The following IL19 variants were observed in gnomAD, a reference collection of about 807,000 sequenced individuals.
The protein encoded by IL19 is interleukin-19.
A neutral mutation model predicts 19.5 loss-of-function variants in IL19; 15 were observed. The observed-to-expected ratio is 0.77, with a 90% CI of 0.52 to 1.19. The LOEUF (loss-of-function observed/expected upper bound fraction) is 1.19, where lower values mean the gene tolerates loss of function less well. IL19 is among the 50% of genes most tolerant of loss of function. The pLI is 0.00. For synonymous variants in IL19, 78 were observed against 78.3 expected, an observed-to-expected ratio of 1.00 and a Z score of 0.02; for missense variants, 199 against 213.1, an observed-to-expected ratio of 0.93 and a Z score of 0.41.
At chr1:206,774,295 G>T (rs1396922536) in intron 1 of IL19, among the ~76,000 whole-genome samples, 1 of 152,222 alleles carries the variant, frequency 6.6e-6, no homozygotes, top group East Asian at 1.9e-4. Flanking sequence ...GAAAGAGCCT[G>T]CTAGAAACTA....
chr1:206,814,417 G>A (rs1244738467), intron 2 of IL19, among the ~76,000 whole-genome samples: 5 of 150,264 alleles, frequency 3.3e-5, no homozygotes, highest in South Asian at 2.1e-4. Flanking sequence ...TGGGCCTGGC[G>A]TGGTGGCTCA....
chr1:206,772,132 T>C, intron 1 of IL19: 1 of 781,696 alleles, frequency 1.3e-6, no homozygotes, highest in Admixed American at 2.0e-5. Flanking sequence ...TCTAGGATTC[T>C]CTTAAGAATT....
rs1558606317 is a variant in IL19, at chr1:206,781,919, AGT to A, written c.-149+10842_-149+10843del. ...GTTATATATACATATATATGTATAT[AGT>A]TATATATACATATATATGTATATAG... On this transcript the variant is annotated intron_variant, in intron 1 of 6. Coordinates refer to ENST00000659997, the MANE Select transcript of IL19 (RefSeq NM_153758.5). Among the ~76,000 whole-genome samples, 156 of 106,576 alleles carry A rather than the reference AGT, an allele frequency of 1.5e-3. 1 individual carries two copies. The highest frequency in any genetic ancestry group is 5.8e-3 in the African/African-American group (147 of 25,268). The allele number at this position is 106,576 out of a possible 152,430, so 69.9% of individuals were successfully genotyped here.
intron 2 of IL19, among the ~76,000 whole-genome samples, chr1:206,831,704 A>G (rs914992814): frequency 2.6e-5 from 4 of 152,186 alleles, no homozygotes; most frequent in Non-Finnish European, 5.9e-5. Flanking sequence ...CATGATGTGT[A>G]CCATTTTACA....
intron 1 of IL19, among the ~76,000 whole-genome samples, chr1:206,778,942 A>G (rs751812648): frequency 2.0e-5 from 3 of 152,180 alleles, no homozygotes; most frequent in Admixed American, 6.5e-5. Flanking sequence ...GGTTCAAGCT[A>G]CTATCTGTTG....
At chr1:206,811,383 G>A (rs747670476) in intron 2 of IL19, among the ~76,000 whole-genome samples, 2 of 148,284 alleles carry the variant, frequency 1.3e-5, no homozygotes, top group Non-Finnish European at 3.0e-5. Flanking sequence ...GGTGGAGCTT[G>A]TAGTGAGCCG....
chr1:206,840,379 A>G, intron 5 of IL19: 1 of 359,768 alleles, frequency 2.8e-6, no homozygotes, highest in Non-Finnish European at 5.4e-6. Flanking sequence ...GGTATGGCCT[A>G]TCCCTAAAGG....
chr1:206,828,256 T>C (rs916738821), intron 2 of IL19, among the ~76,000 whole-genome samples: 40 of 152,326 alleles, frequency 2.6e-4, no homozygotes, highest in African/African-American at 9.1e-4. Context: ...AGAGATAACG[T>C]CAATGAGCAG....
intron 1 of IL19, 57 bp downstream of exon 1, chr1:206,771,135 G>A (rs1674820478): frequency 6.6e-7 from 1 of 1,507,628 alleles, no homozygotes; most frequent in African/African-American, 1.4e-5. Flanking sequence ...ACTAGCTTAA[G>A]AGGACAGCTT....
intron 1 of IL19, 108 bp downstream of exon 1, chr1:206,771,186 G>A: frequency 8.2e-7 from 1 of 1,222,062 alleles, no homozygotes; most frequent in Non-Finnish European, 1.2e-6. Flanking sequence ...TCCCCGAAGG[G>A]ACTGAGCCCT....
rs553832550 is a variant in IL19, at chr1:206,777,833, T to C, written c.-149+6755T>C. Among the ~76,000 whole-genome samples the C allele has an allele frequency of 2.5e-3, 377 of 152,356 alleles. 2 individuals carry two copies. The highest frequency in any genetic ancestry group is 8.7e-3 in the African/African-American group (363 of 41,586). ...CAGGACATTTAGTGTGTAAAATAGC[T>C]TTGCCAGCTTGAAATTTCTAGTATT... On this transcript the variant is annotated intron_variant, in intron 1 of 6. Transcript: ENST00000659997.
intron 2 of IL19, among the ~76,000 whole-genome samples, chr1:206,807,873 A>C (rs1252229011): frequency 6.6e-6 from 1 of 152,260 alleles, no homozygotes; most frequent in Non-Finnish European, 1.5e-5. Context: ...ATATAGAAAG[A>C]AGTTATGGGA....
chr1:206,813,388 A>C (rs1439702685), intron 2 of IL19, among the ~76,000 whole-genome samples: 2 of 152,070 alleles, frequency 1.3e-5, no homozygotes, highest in African/African-American at 4.8e-5. Context: ...CCCTTGTAGC[A>C]GCAGCTAAAT....
chr1:206,832,498 T>C (rs1354049517), intron 2 of IL19, among the ~76,000 whole-genome samples: 2 of 152,228 alleles, frequency 1.3e-5, no homozygotes, highest in East Asian at 1.9e-4. Context: ...GGTACCTGCC[T>C]GGCCATACCC....
chr1:206,792,393 G>A (rs184435250), intron 1 of IL19, among the ~76,000 whole-genome samples: 15 of 152,244 alleles, frequency 9.9e-5, no homozygotes, highest in African/African-American at 3.6e-4. Flanking sequence ...AAAAAATTGT[G>A]TAATGACAAA....
chr1:206,774,805 T>A (rs771286327), intron 1 of IL19, among the ~76,000 whole-genome samples: 5 of 152,094 alleles, frequency 3.3e-5, no homozygotes, highest in Non-Finnish European at 7.4e-5. Flanking sequence ...AAGAGTGCCC[T>A]GTAAGCCTGG....
intron 2 of IL19, among the ~76,000 whole-genome samples, chr1:206,804,625 G>A (rs115841615): frequency 0.019 from 2,836 of 152,280 alleles, 95 homozygotes; most frequent in African/African-American, 0.064. Flanking sequence ...GAGATTTGGG[G>A]TTTAAAAGTG....
At chr1:206,826,798 T>C (rs1676446428) in intron 2 of IL19, among the ~76,000 whole-genome samples, 1 of 152,228 alleles carries the variant, frequency 6.6e-6, no homozygotes, top group African/African-American at 2.4e-5. Flanking sequence ...TCTATGCCAT[T>C]TGCCGTTCTG....
intron 2 of IL19, among the ~76,000 whole-genome samples, chr1:206,803,721 T>C (rs1675775593): frequency 6.6e-6 from 1 of 152,164 alleles, no homozygotes; most frequent in African/African-American, 2.4e-5. Context: ...CAATGAGGTT[T>C]TTCAACCACC....
Sources: allele counts gnomAD v4.1 joint callset (sites outside exome capture counted in the v4.1 genomes callset), GRCh38; gene constraint gnomAD v4.1.1; transcripts MANE v1.5; gene names NCBI Gene and HGNC (gene_info 2026-07-23, HGNC 2026-07-21).